PHF2: variants seen among roughly 807,000 people sequenced by gnomAD.
PHF2 encodes PHD finger protein 2, also known as lysine-specific demethylase PHF2.
PHF2 carries 27 observed loss-of-function variants against 120.5 expected under a neutral mutation model. The observed-to-expected ratio is 0.22, with a 90% CI of 0.17 to 0.31. PHF2 has a LOEUF of 0.31. Among genes scored for constraint, PHF2 ranks in the 10% least tolerant of loss-of-function variants. The probability of loss-of-function intolerance (pLI) is 1.00; values close to 1 mark genes in which losing one functional copy is unlikely to be tolerated. For synonymous variants in PHF2, 568 were observed against 592.5 expected, an observed-to-expected ratio of 0.96 and a Z score of 0.60; for missense variants, 1,024 against 1,434.8, an observed-to-expected ratio of 0.71 and a Z score of 4.63.
intron 1 of PHF2, among the ~76,000 whole-genome samples, chr9:93,580,339 A>G (rs1862909926): frequency 6.6e-6 from 1 of 152,078 alleles, no homozygotes; most frequent in Non-Finnish European, 1.5e-5. Flanking sequence ...TGTCTGCCTC[A>G]TTTGGTGGGG....
chr9:93,590,374 C>T (rs189534685), intron 1 of PHF2, among the ~76,000 whole-genome samples: 5 of 152,294 alleles, frequency 3.3e-5, no homozygotes, highest in African/African-American at 7.2e-5. Flanking sequence ...ATGAGAAGGG[C>T]GCCCCACTTT....
intron 1 of PHF2, among the ~76,000 whole-genome samples, chr9:93,582,475 G>A (rs751419624): frequency 2.0e-4 from 30 of 152,286 alleles, no homozygotes; most frequent in Non-Finnish European, 3.1e-4. Context: ...TCGCTGTAGT[G>A]CCTCCCTCTC....
At chr9:93,640,086 G>A (rs138289290) in intron 3 of PHF2, among the ~76,000 whole-genome samples, 2,011 of 151,576 alleles carry the variant, frequency 0.013, 16 homozygotes, top group Admixed American at 0.019. Context: ...AGTTGACCTC[G>A]CTCATCTGCC....
At chr9:93,659,323 G>C (rs983645795) in intron 10 of PHF2, among the ~76,000 whole-genome samples, 188 bp from the exon 11 acceptor site, 1 of 152,220 alleles carries the variant, frequency 6.6e-6, no homozygotes, top group Non-Finnish European at 1.5e-5. Context: ...TCTGGTACTT[G>C]GTTTGTCCAC....
chr9:93,675,867 C>T (rs1587725098), intron 20 of PHF2, 78 bp downstream of exon 20: 3 of 1,059,418 alleles, frequency 2.8e-6, no homozygotes, highest in East Asian at 4.8e-5. Flanking sequence ...CCCCAAGGCA[C>T]CTGTTTCTCC....
Position 93,645,672 on chromosome 9 carries a change from C to A in PHF2, c.343C>A (p.Leu115Met). The change falls in exon 4 of 22, where the codon CTG (leucine) becomes ATG (methionine). Residue 115 changes from leucine (L) to methionine (M), a missense_variant. Transcript: ENST00000359246. The stretch of plus-strand genomic sequence containing the variant: ...CCGTGTGCCAGGAAGTCAGCTCACG[C>A]TGGGCTACATGGAGGAGCACGGCTT... Reference protein sequence around the residue: ...VARVPGSQLTLGYMEEHGFTE... With the variant: ...VARVPGSQLTMGYMEEHGFTE... The A allele has an allele frequency of 6.2e-7, 1 of 1,611,832 alleles. No homozygotes were observed.
chr9:93,596,228 C>T (rs566144314), intron 1 of PHF2, among the ~76,000 whole-genome samples: 1 of 152,250 alleles, frequency 6.6e-6, no homozygotes, highest in Admixed American at 6.5e-5. Flanking sequence ...TCTATTGGGA[C>T]CCCCTGTGCC....
chr9:93,620,401 G>A (rs1049714825), intron 1 of PHF2, among the ~76,000 whole-genome samples: 6 of 152,242 alleles, frequency 3.9e-5, no homozygotes, highest in African/African-American at 7.2e-5. Context: ...ATAGGTGGAC[G>A]AGTGGGCCTG....
intron 1 of PHF2, among the ~76,000 whole-genome samples, chr9:93,603,161 G>T (rs1274367128): frequency 2.0e-5 from 3 of 152,276 alleles, no homozygotes; most frequent in African/African-American, 7.2e-5. Flanking sequence ...GGTGCCGAGG[G>T]CTGGGCTCTG....
At chr9:93,661,216 A>T (rs936334970) in intron 12 of PHF2, among the ~76,000 whole-genome samples, 2 of 152,148 alleles carry the variant, frequency 1.3e-5, no homozygotes, top group African/African-American at 4.8e-5. Context: ...TTCAGGGACC[A>T]TGAACCCCTG....
intron 5 of PHF2, among the ~76,000 whole-genome samples, chr9:93,651,655 A>T (rs1481989351): frequency 6.6e-6 from 1 of 152,156 alleles, no homozygotes; most frequent in African/African-American, 2.4e-5. Flanking sequence ...TGGCAGGTCT[A>T]GGGTGATGTT....
At chr9:93,672,782 A>C (rs1474439569) in intron 17 of PHF2, 1 of 930,698 alleles carries the variant, frequency 1.1e-6, no homozygotes, top group Admixed American at 9.1e-5. Context: ...AGGTATGGGT[A>C]TAGGAGTAGG....
At chr9:93,662,438 GATAAATGGATGGGTAGATGGATAA>G (rs1826587480) in intron 12 of PHF2, among the ~76,000 whole-genome samples, 1 of 151,318 alleles carries the variant, frequency 6.6e-6, no homozygotes, top group South Asian at 2.1e-4. Flanking sequence ...TGGATGGATG[GATAAATGGATGGGTAGATGGATAA>G]ATAAATGGAT....
chr9:93,600,586 C>T (rs1240631600), intron 1 of PHF2, among the ~76,000 whole-genome samples: 1 of 152,242 alleles, frequency 6.6e-6, no homozygotes, highest in African/African-American at 2.4e-5. Context: ...CTCTCTCAGC[C>T]TCTTCCTGCT....
At position 93,662,913 on chromosome 9, in the gene PHF2, A is replaced by G. The variant is rs954384896; in HGVS notation, c.1705A>G (p.Lys569Glu). The G allele has an allele frequency of 8.7e-6, 14 of 1,614,030 alleles. No homozygotes were observed. Among genetic ancestry groups the G allele is most frequent in the Non-Finnish European group, 1.2e-5 (14 of 1,179,946 alleles). The change falls in exon 13 of 22, where the codon AAG becomes GAG. Residue 569 changes from lysine to glutamate, a missense_variant. Lys to Glu is a moderately conservative substitution (Grantham distance 56). This residue lies in a region of PHF2 where 677 missense variants were observed against 857.4 expected (regional missense o/e 0.79). Transcript: ENST00000359246. The stretch of plus-strand genomic sequence containing the variant: ...CAGCAGCCCTTTTTTCTAGGCCACA[A>G]AGAGTGTCCTGAGTGTGCCCAACAA... ...MEPPKKGKAT[K>E]SVLSVPNKDV...
chr9:93,602,346 G>A (rs1359917467), intron 1 of PHF2, among the ~76,000 whole-genome samples: 3 of 138,082 alleles, frequency 2.2e-5, no homozygotes, highest in Admixed American at 8.3e-5. Flanking sequence ...TCTGCCTCCC[G>A]GGTTCGAGTG....
At chr9:93,579,826 G>A (rs1032901857) in intron 1 of PHF2, among the ~76,000 whole-genome samples, 5 of 152,184 alleles carry the variant, frequency 3.3e-5, no homozygotes, top group African/African-American at 4.8e-5. Flanking sequence ...CAGCTTTGGC[G>A]GCAGCCGAGA....
chr9:93,671,166 G>T (rs1826777947), intron 17 of PHF2: 2 of 983,244 alleles, frequency 2.0e-6, no homozygotes, highest in African/African-American at 3.5e-5. Context: ...GTAGGTGTGG[G>T]AGTAGGTACA....
chr9:93,588,159 C>A (rs1420837616), intron 1 of PHF2, among the ~76,000 whole-genome samples: 2 of 152,228 alleles, frequency 1.3e-5, no homozygotes, highest in African/African-American at 4.8e-5. Flanking sequence ...CTCTGCGGAC[C>A]TGTTTATCTC....
Sources: allele counts gnomAD v4.1 joint callset (sites outside exome capture counted in the v4.1 genomes callset), GRCh38; gene constraint gnomAD v4.1.1; regional missense constraint gnomAD v4.1.1; transcripts MANE v1.5; gene names NCBI Gene and HGNC (gene_info 2026-07-23, HGNC 2026-07-21).